The following MINDY4 variants were observed in gnomAD, a reference collection of about 807,000 sequenced individuals.
MINDY4 encodes probable ubiquitin carboxyl-terminal hydrolase MINDY-4.
Under a neutral mutation model 87.0 loss-of-function variants are expected in MINDY4, and 68 were observed. The observed-to-expected ratio is 0.78, with a 90% confidence interval of 0.64 to 0.96. The LOEUF (loss-of-function observed/expected upper bound fraction) is 0.96. MINDY4 is among the 40% of genes least tolerant of loss of function. The pLI is 0.00. For missense variants in MINDY4, 919 were observed against 928.2 expected (o/e 0.99, Z 0.13); for synonymous variants, 379 against 363.2 (o/e 1.04, Z -0.50).
In MINDY4 at chr7:30,791,280, T is replaced by C. The variant is rs61741898; in HGVS notation, c.779T>C (p.Leu260Pro). 2.0e-3 allele frequency: 3,214 copies of C among 1,614,174 alleles called. 59 individuals are homozygous for C. The African/African-American group carries it at 0.037, about 19-fold the overall frequency. ...ELFVCTQQDI[L>P]ASSNSSPSRT... ...TTTGTCTGCACCCAACAGGACATTC[T>C]GGCTTCGAGCAACAGCTCCCCCTCC... Residue 260 changes from leucine to proline, a missense_variant, in exon 5 of 18, where the codon CTG (leucine) becomes CCG (proline). Transcript: ENST00000265299.
intron 1 of MINDY4, among the ~76,000 whole-genome samples, chr7:30,771,874 G>A (rs868284286): frequency 6.6e-6 from 1 of 152,200 alleles, no homozygotes; most frequent in Admixed American, 6.5e-5. Context: ...ATCCTAGCGC[G>A]GGCGCACAGC....
In MINDY4 at chr7:30,891,165, A is replaced by G. The variant is rs371931347; in HGVS notation, c.2226-792A>G. Among the ~76,000 whole-genome samples, 95 of 152,306 alleles carry G rather than the reference A, an allele frequency of 6.2e-4. 3 individuals are homozygous for G. In the South Asian group the frequency reaches 0.019, roughly 31 times the overall value. ...TCAACATCTGTTTCCTAGTTCATAT[A>G]TAGTCTTAGGATATCTGTATATGTA... is the stretch of plus-strand genomic sequence containing the variant. On this transcript the variant is annotated intron_variant, in intron 17 of 17. Transcript: ENST00000265299.
At chr7:30,853,321 A>G in intron 11 of MINDY4, 73 bp from the exon 12 acceptor site, 1 of 1,268,114 alleles carries the variant, frequency 7.9e-7, no homozygotes, top group Non-Finnish European at 1.1e-6. Context: ...AAAGCCAGGG[A>G]GCAGAAGCTA....
intron 14 of MINDY4, among the ~76,000 whole-genome samples, chr7:30,873,234 G>A (rs985580838): frequency 5.9e-5 from 9 of 152,316 alleles, no homozygotes; most frequent in Middle Eastern, 3.4e-3. Flanking sequence ...CTGGCTGCCC[G>A]GGGTGGCCTC....
chr7:30,847,949 T>G (rs1050790623), intron 9 of MINDY4, among the ~76,000 whole-genome samples: 1 of 152,144 alleles, frequency 6.6e-6, no homozygotes, highest in African/African-American at 2.4e-5. Context: ...CCTGGGCTGT[T>G]CTCAAACTCC....
intron 7 of MINDY4, 44 bp from the exon 8 acceptor site, chr7:30,839,156 C>T (rs1165447015): frequency 3.0e-6 from 4 of 1,347,888 alleles, no homozygotes; most frequent in East Asian, 4.8e-5. Flanking sequence ...CGTATTGTTG[C>T]TTGCTTTTAA....
intron 5 of MINDY4, among the ~76,000 whole-genome samples, chr7:30,800,163 C>G (rs929388945): frequency 4.6e-5 from 7 of 152,170 alleles, no homozygotes; most frequent in Non-Finnish European, 1.0e-4. Flanking sequence ...CCTGTGGCCT[C>G]CATGTCAGTT....
chr7:30,873,863 A>G (rs56027590), intron 14 of MINDY4, among the ~76,000 whole-genome samples: 12,234 of 152,240 alleles, frequency 0.08, 716 homozygotes, highest in South Asian at 0.18. Flanking sequence ...ATTATTTTAC[A>G]GCAGACATTT....
chr7:30,789,889 T>G (rs138745528), intron 4 of MINDY4, among the ~76,000 whole-genome samples: 1 of 152,344 alleles, frequency 6.6e-6, no homozygotes, highest in East Asian at 1.9e-4. Flanking sequence ...TATTTGGATA[T>G]TTCAATTGAC....
chr7:30,853,497 C>G, intron 12 of MINDY4, 38 bp downstream of exon 12: 1 of 1,512,640 alleles, frequency 6.6e-7, no homozygotes, highest in Non-Finnish European at 9.1e-7. Context: ...ATGTGCGTCA[C>G]TAAGCCTTCT....
chr7:30,869,507 G>A (rs1790038971), intron 13 of MINDY4, among the ~76,000 whole-genome samples: 1 of 152,132 alleles, frequency 6.6e-6, no homozygotes, highest in African/African-American at 2.4e-5. Context: ...AGATCAAGGT[G>A]CCAGAGGGTT....
At chr7:30,824,875 T>C (rs1413180901) in intron 5 of MINDY4, among the ~76,000 whole-genome samples, 1 of 152,234 alleles carries the variant, frequency 6.6e-6, no homozygotes, top group Non-Finnish European at 1.5e-5. Context: ...TCTGTTATTA[T>C]GTGAGAGTGG....
intron 15 of MINDY4, among the ~76,000 whole-genome samples, chr7:30,876,951 A>G (rs1369997031): frequency 1.3e-5 from 2 of 152,062 alleles, no homozygotes; most frequent in African/African-American, 2.4e-5. Flanking sequence ...CCCTTCCCAC[A>G]TGACCACATG....
At chr7:30,802,823 A>G (rs1175950997) in intron 5 of MINDY4, among the ~76,000 whole-genome samples, 1 of 152,060 alleles carries the variant, frequency 6.6e-6, no homozygotes, top group Admixed American at 6.6e-5. Context: ...TGACCACCCA[A>G]CCAACCAACC....
chr7:30,832,174 C>G (rs2076737049), intron 6 of MINDY4, among the ~76,000 whole-genome samples: 2 of 152,214 alleles, frequency 1.3e-5, no homozygotes, highest in African/African-American at 4.8e-5. Context: ...GGGCCCCCAG[C>G]CTTCATTCCC....
chr7:30,850,642 G>T, intron 10 of MINDY4, 87 bp downstream of exon 10: 2 of 1,220,122 alleles, frequency 1.6e-6, no homozygotes, highest in Admixed American at 4.0e-5. Flanking sequence ...CTATCCTTGG[G>T]TCCTTCCGTT....
intron 13 of MINDY4, among the ~76,000 whole-genome samples, chr7:30,870,910 G>A (rs1790083384): frequency 6.6e-6 from 1 of 151,896 alleles, no homozygotes; most frequent in South Asian, 2.1e-4. Flanking sequence ...GGCTGTGTGT[G>A]CCCCCCCAGG....
chr7:30,810,344 A>G (rs980365807), intron 5 of MINDY4, among the ~76,000 whole-genome samples: 135 of 75,166 alleles, frequency 1.8e-3, no homozygotes, highest in African/African-American at 8.4e-3. Flanking sequence ...AAAACTATTG[A>G]AAAAAAAAAA....
intron 5 of MINDY4, among the ~76,000 whole-genome samples, chr7:30,825,767 G>A (rs1056149500): frequency 1.3e-5 from 2 of 152,300 alleles, no homozygotes; most frequent in South Asian, 2.1e-4. Context: ...TACTGCAGTC[G>A]TTTCTTCTTC....
Sources: allele counts gnomAD v4.1 joint callset (sites outside exome capture counted in the v4.1 genomes callset), GRCh38; gene constraint gnomAD v4.1.1; transcripts MANE v1.5; gene names NCBI Gene and HGNC (gene_info 2026-07-23, HGNC 2026-07-21).